The following UPP2 variants were observed in gnomAD, a reference collection of about 807,000 sequenced individuals.
UPP2 encodes the protein UPase 2.
In UPP2, 23 loss-of-function variants were observed where a neutral mutation model predicts 26.7. That is an observed-to-expected ratio of 0.86 (90% CI 0.62 to 1.22). The LOEUF is 1.22. Among genes scored for constraint, UPP2 ranks in the 50% most tolerant of loss-of-function variants. The probability of loss-of-function intolerance (pLI) is 0.00; values close to 1 mark genes in which losing one functional copy is unlikely to be tolerated. For synonymous variants in UPP2, 127 were observed against 141.3 expected, an observed-to-expected ratio of 0.90 and a Z score of 0.72; for missense variants, 387 against 396.7, an observed-to-expected ratio of 0.98 and a Z score of 0.21.
At position 158,115,157 on chromosome 2, in the gene UPP2, C is replaced by T; in HGVS notation, c.237C>T (p.His79=). The change falls in exon 3 of 7, where the codon CAC becomes CAT. Residue 79 remains histidine, a synonymous_variant. Coordinates refer to ENST00000005756, the MANE Select transcript of UPP2 (RefSeq NM_173355.4). The stretch of plus-strand genomic sequence containing the variant: ...TGAAAGCATTTGCACTGTTTATGCA[C>T]AAGGAGCTCGGGTTTGAGGAAGCTG... ...NRMKAFALFM[H]KELGFEEAEE... is the part of the protein sequence containing the mutation. 1.2e-6 allele frequency: 2 copies of T among 1,613,412 alleles called. No individual in the cohort carries two copies. The highest frequency in any genetic ancestry group is 1.7e-6 in the Non-Finnish European group (2 of 1,179,768).
At chr2:158,112,422 T>A (rs144988340) in intron 2 of UPP2, among the ~76,000 whole-genome samples, 32 of 152,220 alleles carry the variant, frequency 2.1e-4, no homozygotes, top group Non-Finnish European at 4.3e-4. Flanking sequence ...TAAAGTTAGA[T>A]CCCTATCTCA....
At chr2:158,057,043 CT>C (rs2105175553) in intron 3 of UPP2, among the ~76,000 whole-genome samples, 2 of 152,220 alleles carry the variant, frequency 1.3e-5, no homozygotes, top group South Asian at 4.1e-4. Flanking sequence ...GTGTCTGAAG[CT>C]TTTCTTATGA....
At chr2:158,011,345 G>A (rs965830435) in intron 2 of UPP2, among the ~76,000 whole-genome samples, 1 of 152,224 alleles carries the variant, frequency 6.6e-6, no homozygotes, top group African/African-American at 2.4e-5. Context: ...TCTCCCTCCT[G>A]CGTCTCTGAG....
At chr2:158,077,901 C>A (rs770987549) in intron 3 of UPP2, among the ~76,000 whole-genome samples, 43 of 152,032 alleles carry the variant, frequency 2.8e-4, no homozygotes, top group Non-Finnish European at 6.0e-4. Flanking sequence ...GATTAATAAC[C>A]AGAATGCATA....
chr2:158,104,977 GA>G (rs1558932148), intron 1 of UPP2, among the ~76,000 whole-genome samples: 4 of 52,870 alleles, frequency 7.6e-5, no homozygotes, highest in African/African-American at 5.0e-4. Context: ...GAAGGGAAGG[GA>G]AGAGAAGGGA....
At chr2:158,024,906 A>G (rs1683810171) in intron 3 of UPP2, among the ~76,000 whole-genome samples, 1 of 152,204 alleles carries the variant, frequency 6.6e-6, no homozygotes, top group African/African-American at 2.4e-5. Flanking sequence ...TGCATAATCA[A>G]GATCAGAAAA....
chr2:158,076,859 T>C (rs1226786109), intron 3 of UPP2, among the ~76,000 whole-genome samples: 1 of 151,930 alleles, frequency 6.6e-6, no homozygotes, highest in East Asian at 1.9e-4. Flanking sequence ...GCATCCAAAT[T>C]GAAAAGAAAG....
intron 2 of UPP2, chr2:158,015,668 T>C (rs1162732375): frequency 1.5e-5 from 6 of 400,972 alleles, no homozygotes; most frequent in Non-Finnish European, 2.5e-5. Context: ...TGGCGGGAGG[T>C]GACTGAATCA....
intron 2 of UPP2, among the ~76,000 whole-genome samples, chr2:158,005,616 GA>G (rs1391163843): frequency 6.6e-6 from 1 of 152,212 alleles, no homozygotes; most frequent in Non-Finnish European, 1.5e-5. Context: ...GAATGGGAAG[GA>G]ACGGGGAAGT....
chr2:158,126,054 C>A (rs1462971909), intron 6 of UPP2, among the ~76,000 whole-genome samples: 1 of 152,182 alleles, frequency 6.6e-6, no homozygotes, highest in African/African-American at 2.4e-5. Flanking sequence ...TTAAGAGGCA[C>A]CAACTGGCAG....
At chr2:158,049,386 T>C (rs911000854) in intron 3 of UPP2, among the ~76,000 whole-genome samples, 1 of 152,252 alleles carries the variant, frequency 6.6e-6, no homozygotes, top group African/African-American at 2.4e-5. Flanking sequence ...CCTCTTCCTT[T>C]AACCTCATTG....
At chr2:158,118,061 C>T (rs1683480196) in intron 4 of UPP2, 123 bp downstream of exon 4, 4 of 775,554 alleles carry the variant, frequency 5.2e-6, no homozygotes, top group Non-Finnish European at 8.4e-6. Context: ...TGTCAGAAGG[C>T]TGGACTTGAG....
chr2:158,132,472 C>T (rs374259022), intron 6 of UPP2, among the ~76,000 whole-genome samples: 5 of 152,070 alleles, frequency 3.3e-5, no homozygotes, highest in South Asian at 2.1e-4. Context: ...AATCATCTGT[C>T]GAAAGAGGAC....
chr2:158,057,828 G>T (rs749471598), intron 3 of UPP2, among the ~76,000 whole-genome samples: 22 of 151,892 alleles, frequency 1.4e-4, no homozygotes, highest in Non-Finnish European at 2.5e-4. Flanking sequence ...GAAGTGGGTG[G>T]CTTATAACCT....
At chr2:158,061,575 T>C (rs1249301436) in intron 3 of UPP2, among the ~76,000 whole-genome samples, 1 of 152,224 alleles carries the variant, frequency 6.6e-6, no homozygotes, top group Non-Finnish European at 1.5e-5. Context: ...CTCCTACTCC[T>C]TCAGGGGGTT....
chr2:158,060,972 T>C (rs1175243569), intron 3 of UPP2, among the ~76,000 whole-genome samples: 2 of 152,210 alleles, frequency 1.3e-5, no homozygotes, highest in Non-Finnish European at 2.9e-5. Flanking sequence ...ACTAATATAG[T>C]TTGAGTGATA....
At chr2:158,086,380 CTTCTT>C (rs1682815232) in intron 3 of UPP2, among the ~76,000 whole-genome samples, 3 of 152,034 alleles carry the variant, frequency 2.0e-5, no homozygotes, top group Admixed American at 1.3e-4. Flanking sequence ...GATATTCTCT[CTTCTT>C]TTCTTGTTTC....
chr2:158,043,465 T>C (rs1684108407), intron 3 of UPP2, among the ~76,000 whole-genome samples: 1 of 152,162 alleles, frequency 6.6e-6, no homozygotes, highest in Admixed American at 6.5e-5. Context: ...TCCAGATGCC[T>C]CCTACCTTTG....
intron 6 of UPP2, 32 bp from the exon 7 acceptor site, chr2:158,134,716 C>A (rs1028800919): frequency 6.4e-7 from 1 of 1,563,762 alleles, no homozygotes; most frequent in Admixed American, 1.8e-5. Flanking sequence ...TGAACCCATT[C>A]ATTCCATCAG....
Sources: allele counts gnomAD v4.1 joint callset (sites outside exome capture counted in the v4.1 genomes callset), GRCh38; gene constraint gnomAD v4.1.1; transcripts MANE v1.5; gene names NCBI Gene and HGNC (gene_info 2026-07-23, HGNC 2026-07-21).